Variants in LMNB2 observed in about 807,000 individuals in gnomAD.
LMNB2 encodes the protein lamin-B2.
LMNB2 carries 17 observed loss-of-function variants against 69.3 expected under a neutral mutation model. The ratio of observed to expected loss-of-function variants is 0.25; its 90% CI spans 0.17 to 0.37. The LOEUF (loss-of-function observed/expected upper bound fraction) is 0.37. Among genes scored for constraint, LMNB2 ranks in the 10% least tolerant of loss-of-function variants. The pLI is 1.00. For synonymous variants in LMNB2, 397 were observed against 389.3 expected (o/e 1.02, Z -0.23); for missense variants, 789 against 883.6 (o/e 0.89, Z 1.36).
At chr19:2,452,317 C>T (rs1260930525) in intron 1 of LMNB2, among the ~76,000 whole-genome samples, 1 of 151,964 alleles carries the variant, frequency 6.6e-6, no homozygotes, top group Non-Finnish European at 1.5e-5. Context: ...GCCTGTAATC[C>T]CAGCTACTCA....
chr19:2,455,065 CAAAT>C (rs1418609430), intron 1 of LMNB2, among the ~76,000 whole-genome samples: 1 of 152,060 alleles, frequency 6.6e-6, no homozygotes, highest in Non-Finnish European at 1.5e-5. Flanking sequence ...CACCAGGGCA[CAAAT>C]AAGGGACTCC....
At chr19:2,436,245 C>T (rs1476971110) in intron 4 of LMNB2, among the ~76,000 whole-genome samples, 1 of 152,012 alleles carries the variant, frequency 6.6e-6, no homozygotes. Context: ...ATCATGCCAC[C>T]GTACTCCAGC....
chr19:2,433,884 C>G lies in LMNB2; in HGVS notation c.1424G>C (p.Ser475Thr), dbSNP rs749336195. The stretch of plus-strand genomic sequence containing the variant: ...GCCCTCCAGGTCGATCTCCTCGATG[C>G]TGACGCTACCCGAGGCCGAGGCCTG... ...AQQASASGSV[S>T]IEEIDLEGKF... Residue 475 changes from serine (S) to threonine (T), a missense_variant, in exon 8 of 12, where the codon AGC (serine) becomes ACC (threonine). Ser to Thr is a moderately conservative substitution (Grantham distance 58). Coordinates refer to ENST00000325327, the MANE Select transcript of LMNB2 (RefSeq NM_032737.4). 1 of 1,613,226 alleles carries G rather than the reference C, an allele frequency of 6.2e-7. No individual in the cohort carries two copies. Among genetic ancestry groups the G allele is most frequent in the African/African-American group, 1.3e-5 (1 of 75,042 alleles).
At position 2,443,697 on chromosome 19, in the gene LMNB2, C is replaced by A. The variant is rs533462310; in HGVS notation, c.401+707G>T. The stretch of plus-strand genomic sequence containing the variant: ...ACCAGAGACCTCGCTCTAGCTGGAG[C>A]CTCACATCAAGAAAAGCCTTGAGCT... On this transcript the variant is annotated intron_variant, in intron 2 of 11. Coordinates refer to ENST00000325327, the MANE Select transcript of LMNB2 (RefSeq NM_032737.4). The surrounding 1 kb of genome is among the most constrained non-coding windows in gnomAD (Gnocchi z 6.2). Among the ~76,000 whole-genome samples the A allele has an allele frequency of 1.3e-5, 2 of 152,310 alleles. No individual in the cohort carries two copies. The highest frequency in any genetic ancestry group is 1.3e-4 in the Admixed American group (2 of 15,306).
Position 2,435,014 on chromosome 19 carries a change from G to T in LMNB2, c.842C>A (p.Thr281Asn). Residue 281 changes from threonine to asparagine, a missense_variant, in exon 5 of 12, where the codon ACC (threonine) becomes AAC (asparagine). Physicochemically the swap from Thr to Asn is moderately conservative, Grantham distance 65 (BLOSUM62 0). Transcript: ENST00000325327. ...VRLYKLELEQ[T>N]YQAKLDSAKL... is the part of the protein sequence containing the mutation. Reference sequence around the variant, plus strand: ...TGCCGGCCACACCTTGGCCTGGTAGGTCTGCTCCAGCTCCAGCTTGTAGAG... The same window carrying T: ...TGCCGGCCACACCTTGGCCTGGTAGTTCTGCTCCAGCTCCAGCTTGTAGAG... The T allele has an allele frequency of 6.2e-7, 1 of 1,608,242 alleles. No individual in the cohort carries two copies. The highest frequency in any genetic ancestry group is 8.5e-7 in the Non-Finnish European group (1 of 1,179,460).
intron 4 of LMNB2, among the ~76,000 whole-genome samples, chr19:2,437,930 C>T (rs969879869): frequency 5.3e-5 from 8 of 152,198 alleles, no homozygotes; most frequent in Admixed American, 3.3e-4. Context: ...GACAAGTGTC[C>T]TTGTAGGATA....
intron 1 of LMNB2, among the ~76,000 whole-genome samples, chr19:2,446,366 C>G (rs966320059): frequency 2.0e-5 from 3 of 152,038 alleles, no homozygotes; most frequent in African/African-American, 7.2e-5. Context: ...CTAAGCCCCG[C>G]GCAAAGCCCC....
Position 2,453,891 on chromosome 19 carries a change from C to T in LMNB2, c.264+2779G>A, listed in dbSNP as rs1019818639. Reference sequence around the variant, plus strand: ...AGAAACCAGCTCTAACCCTGCACGCCACGGGTCCAGCAGGCGGCCTCTAAG... The same window carrying T: ...AGAAACCAGCTCTAACCCTGCACGCTACGGGTCCAGCAGGCGGCCTCTAAG... On this transcript the variant is annotated intron_variant, in intron 1 of 11. Coordinates refer to ENST00000325327, the MANE Select transcript of LMNB2 (RefSeq NM_032737.4). The surrounding 1 kb of genome is among the most constrained non-coding windows in gnomAD (Gnocchi z 4.4). Among the ~76,000 whole-genome samples, 1 of 152,194 alleles carries T rather than the reference C, an allele frequency of 6.6e-6. No individual in the cohort carries two copies. The highest frequency in any genetic ancestry group is 1.5e-5 in the Non-Finnish European group (1 of 68,036).
intron 4 of LMNB2, among the ~76,000 whole-genome samples, chr19:2,435,445 A>G (rs1971811091): frequency 6.6e-6 from 1 of 152,222 alleles, no homozygotes; most frequent in African/African-American, 2.4e-5. Flanking sequence ...GCCAGACACA[A>G]AAGGCCACAC....
chr19:2,442,311 G>T (rs1971907870), intron 2 of LMNB2, among the ~76,000 whole-genome samples: 1 of 151,952 alleles, frequency 6.6e-6, no homozygotes, highest in Non-Finnish European at 1.5e-5. Flanking sequence ...AAAAAATTAG[G>T]CCAGGCATGG....
At chr19:2,438,319 A>G (rs1568204034) in intron 3 of LMNB2, 31 bp from the exon 4 acceptor site, 1 of 1,613,630 alleles carries the variant, frequency 6.2e-7, no homozygotes, top group Admixed American at 1.7e-5. Flanking sequence ...AGCTGGTGTG[A>G]CAATCTGTCT....
Position 2,434,012 on chromosome 19 carries a change from G to C in LMNB2, c.1296C>G (p.Gly432=). 1 of 1,607,096 alleles carries C rather than the reference G, an allele frequency of 6.2e-7. No individual in the cohort carries two copies. Among genetic ancestry groups the C allele is most frequent in the Non-Finnish European group, 8.5e-7 (1 of 1,178,022 alleles). Residue 432 remains glycine, a synonymous_variant, in exon 8 of 12, where the codon GGC becomes GGG. Transcript: ENST00000325327. ...SGSLSATGRL[G]RSKRKRLEVE... ...CCTCCAGCCGCTTCCGCTTACTGCG[G>C]CCCAGGCGCCCGGTGGCGGACAAGC... is the stretch of plus-strand genomic sequence containing the variant.
chr19:2,432,059 C>G (rs1361154757), intron 9 of LMNB2, among the ~76,000 whole-genome samples, 157 bp from the exon 10 acceptor site: 2 of 151,954 alleles, frequency 1.3e-5, no homozygotes. Flanking sequence ...CCCCAGGATA[C>G]ACAAGAAGAG....
chr19:2,449,422 G>A (rs540070098), intron 1 of LMNB2, among the ~76,000 whole-genome samples: 4 of 152,308 alleles, frequency 2.6e-5, no homozygotes, highest in South Asian at 2.1e-4. Flanking sequence ...GTCACTAAAC[G>A]ACACCTGACT....
chr19:2,454,202 A>C (rs926569877), intron 1 of LMNB2, among the ~76,000 whole-genome samples: 3 of 150,810 alleles, frequency 2.0e-5, no homozygotes, highest in Non-Finnish European at 4.4e-5. Flanking sequence ...CGGGGGCAGG[A>C]GAATCACTTG....
intron 2 of LMNB2, among the ~76,000 whole-genome samples, chr19:2,440,459 G>A (rs1315278161): frequency 6.6e-6 from 1 of 152,092 alleles, no homozygotes; most frequent in Non-Finnish European, 1.5e-5. Flanking sequence ...CAAAGTGCTG[G>A]GATTACAGGC....
At chr19:2,432,387 C>A (rs1224367709) in intron 9 of LMNB2, 29 bp downstream of exon 9, 8 of 1,583,778 alleles carry the variant, frequency 5.1e-6, no homozygotes, top group Non-Finnish European at 6.0e-6. Context: ...CATCCGTGGC[C>A]ACCCTCGCCC....
In LMNB2 at chr19:2,434,085, GGGCTGGGGGAC is replaced by G; in HGVS notation, c.1212_1222del (p.Ser405IlefsTer27). On this transcript the variant is annotated frameshift_variant, in exon 8 of 12. Coordinates refer to ENST00000325327, the MANE Select transcript of LMNB2 (RefSeq NM_032737.4). LOFTEE classifies it high-confidence loss of function. ...TCGTGAGACGGTGACGCGCGAGGAT[GGGCTGGGGGAC>G]AGCTTCAGCCTGTGGGGAAGGCAAG... is the stretch of plus-strand genomic sequence containing the variant. 1 of 1,591,666 alleles carries G rather than the reference GGGCTGGGGGAC, an allele frequency of 6.3e-7. No individual in the cohort carries two copies.
At position 2,433,898 on chromosome 19, in the gene LMNB2, G is replaced by A; in HGVS notation, c.1410C>T (p.Ala470=). Reference sequence around the variant, plus strand: ...TCTCCTCGATGCTGACGCTACCCGAGGCCGAGGCCTGCTGGGCCAGGTGGA... The same window carrying A: ...TCTCCTCGATGCTGACGCTACCCGAAGCCGAGGCCTGCTGGGCCAGGTGGA... ...GGFHLAQQAS[A]SGSVSIEEID... Residue 470 remains alanine, a synonymous_variant, in exon 8 of 12, where the codon GCC becomes GCT. Transcript: ENST00000325327. The A allele has an allele frequency of 6.2e-7, 1 of 1,612,418 alleles. No homozygotes were observed. The highest frequency in any genetic ancestry group is 8.5e-7 in the Non-Finnish European group (1 of 1,179,412).
Sources: gnomAD v4.1 joint callset for allele counts (sites outside exome capture counted in the v4.1 genomes callset) on GRCh38, gnomAD v4.1.1 for gene constraint, Gnocchi (gnomAD v3.1) non-coding constraint, MANE v1.5 for transcripts, NCBI Gene and HGNC (gene_info 2026-07-23, HGNC 2026-07-21) for gene names.